UGT1A9: variants seen among roughly 807,000 people sequenced by gnomAD.
The protein encoded by UGT1A9 is UDP-glucuronosyltransferase 1A9.
A neutral mutation model predicts 45.0 loss-of-function variants in UGT1A9; 35 were observed. That is an observed-to-expected ratio of 0.78 (90% CI 0.59 to 1.03). UGT1A9 has a LOEUF of 1.03. Ranked by LOEUF, UGT1A9 falls within the 50% of genes least tolerant of loss-of-function variation. The pLI, the probability that UGT1A9 is intolerant of heterozygous loss-of-function variation, is 0.00. For synonymous variants in UGT1A9, 278 were observed against 250.6 expected (o/e 1.11, Z -1.03); for missense variants, 687 against 666.6 (o/e 1.03, Z -0.34).
intron 1 of UGT1A9, among the ~76,000 whole-genome samples, chr2:233,711,901 G>C (rs914987018): frequency 6.6e-6 from 1 of 152,216 alleles, no homozygotes; most frequent in Non-Finnish European, 1.5e-5. Context: ...ATGGGCGTGA[G>C]ACCATTGTGA....
intron 1 of UGT1A9, among the ~76,000 whole-genome samples, chr2:233,724,570 G>T (rs1305921166): frequency 1.6e-5 from 2 of 128,200 alleles, no homozygotes; most frequent in Non-Finnish European, 3.3e-5. Flanking sequence ...GGGGCGGCGG[G>T]GCAGAGGCGC....
chr2:233,771,841 C>T (rs1700397789), intron 4 of UGT1A9, among the ~76,000 whole-genome samples: 1 of 147,174 alleles, frequency 6.8e-6, no homozygotes, highest in South Asian at 2.4e-4. Flanking sequence ...CCTTCTCTTC[C>T]TTCTTTTTCA....
chr2:233,702,494 C>A (rs374252732), intron 1 of UGT1A9, among the ~76,000 whole-genome samples: 38 of 152,118 alleles, frequency 2.5e-4, no homozygotes, highest in African/African-American at 9.2e-4. Context: ...CCTCTAGTAC[C>A]GTGTTGAATA....
chr2:233,699,546 A>G (rs1436120243), intron 1 of UGT1A9, among the ~76,000 whole-genome samples: 3 of 152,190 alleles, frequency 2.0e-5, no homozygotes, highest in Non-Finnish European at 4.4e-5. Flanking sequence ...CACATCATAG[A>G]GCCAGGTCAT....
intron 1 of UGT1A9, among the ~76,000 whole-genome samples, chr2:233,766,438 G>A (rs1233276669): frequency 2.6e-5 from 4 of 152,194 alleles, no homozygotes; most frequent in Non-Finnish European, 5.9e-5. Flanking sequence ...AGCTACCTGT[G>A]TGTCTGCCTG....
chr2:233,690,769 A>G, intron 1 of UGT1A9: 1 of 1,083,992 alleles, frequency 9.2e-7, no homozygotes, highest in Non-Finnish European at 1.1e-6. Flanking sequence ...ATACACACAC[A>G]CACACATACA....
At chr2:233,765,838 T>A (rs1248201211) in intron 1 of UGT1A9, among the ~76,000 whole-genome samples, 1 of 152,108 alleles carries the variant, frequency 6.6e-6, no homozygotes, top group Non-Finnish European at 1.5e-5. Flanking sequence ...AAAACTTTCC[T>A]TGTCCCCCTC....
At chr2:233,693,160 G>T in intron 1 of UGT1A9, 5 of 1,614,182 alleles carry the variant, frequency 3.1e-6, no homozygotes, top group Non-Finnish European at 4.2e-6. Flanking sequence ...TCAGTGACCG[G>T]GGTCATGAGA....
At chr2:233,682,375 T>C (rs1194414955) in intron 1 of UGT1A9, 3 of 1,613,964 alleles carry the variant, frequency 1.9e-6, no homozygotes, top group Non-Finnish European at 1.7e-6. Context: ...ATGCAGTGTT[T>C]CTCGATCCTT....
intron 1 of UGT1A9, among the ~76,000 whole-genome samples, chr2:233,712,676 G>C (rs2076247932): frequency 6.6e-6 from 1 of 152,192 alleles, no homozygotes; most frequent in Admixed American, 6.5e-5. Context: ...AGGAGACAGT[G>C]ACATGAAATG....
At chr2:233,688,114 CT>C (rs2125539031) in intron 1 of UGT1A9, among the ~76,000 whole-genome samples, 1 of 152,300 alleles carries the variant, frequency 6.6e-6, no homozygotes, top group South Asian at 2.1e-4. Flanking sequence ...TCTTCTACCC[CT>C]CAGCACTAAT....
chr2:233,751,561 A>T (rs1575707240), intron 1 of UGT1A9, among the ~76,000 whole-genome samples: 1 of 152,202 alleles, frequency 6.6e-6, no homozygotes, highest in African/African-American at 2.4e-5. Flanking sequence ...TCTCATCTCA[A>T]ATTGTAATCT....
At chr2:233,683,694 C>T (rs527656893) in intron 1 of UGT1A9, among the ~76,000 whole-genome samples, 2 of 152,180 alleles carry the variant, frequency 1.3e-5, no homozygotes, top group Non-Finnish European at 2.9e-5. Flanking sequence ...CTCTGCATTT[C>T]ATTATTTTTG....
intron 1 of UGT1A9, among the ~76,000 whole-genome samples, chr2:233,699,790 C>G (rs1191116266): frequency 2.0e-5 from 3 of 152,194 alleles, no homozygotes; most frequent in Non-Finnish European, 2.9e-5. Context: ...GTTTCCTCCT[C>G]TCATATTCTG....
At position 233,681,857 on chromosome 2, in the gene UGT1A9, A is replaced by G. The variant is rs189655605; in HGVS notation, c.855+9068A>G. The G allele has an allele frequency of 2.2e-3, 3,379 of 1,522,408 alleles. 4 individuals are homozygous for G. Among genetic ancestry groups the G allele is most frequent in the Non-Finnish European group, 2.7e-3 (3,111 of 1,137,804 alleles). 94.3% of individuals were successfully genotyped at this position (1,522,408 alleles called of 1,614,324 possible). A position where few individuals can be genotyped will look rare whatever the true frequency, so the allele number is the denominator to read the frequency against. On this transcript the variant is annotated intron_variant, in intron 1 of 4. Transcript: ENST00000354728. ...TAAGTACACGCCTTCTTTTGAGGGC[A>G]GGTTCTATCTGTACTTCTTCCACTT...
chr2:233,679,177 T>C (rs1350957015), intron 1 of UGT1A9, among the ~76,000 whole-genome samples: 1 of 152,140 alleles, frequency 6.6e-6, no homozygotes, highest in Admixed American at 6.5e-5. Flanking sequence ...ACGTAGACCA[T>C]TTTGACACCT....
intron 1 of UGT1A9, among the ~76,000 whole-genome samples, chr2:233,683,816 A>G (rs564752675): frequency 6.6e-6 from 1 of 151,880 alleles, no homozygotes; most frequent in African/African-American, 2.4e-5. Flanking sequence ...ATATTACTAA[A>G]CTCTCGTATT....
intron 1 of UGT1A9, chr2:233,741,005 T>G (rs1691537974): frequency 6.6e-6 from 1 of 151,828 alleles, no homozygotes; most frequent in African/African-American, 2.4e-5. Context: ...AAGGATCACT[T>G]GAGCCCAGGA....
At chr2:233,689,785 A>T (rs1001537463) in intron 1 of UGT1A9, 1 of 410,614 alleles carries the variant, frequency 2.4e-6, no homozygotes, top group Non-Finnish European at 4.8e-6. Flanking sequence ...ATATGTTATG[A>T]TGTGATCTGT....
Sources: allele counts gnomAD v4.1 joint callset (sites outside exome capture counted in the v4.1 genomes callset), GRCh38; gene constraint gnomAD v4.1.1; transcripts MANE v1.5; gene names NCBI Gene and HGNC (gene_info 2026-07-23, HGNC 2026-07-21).